Variants in ETNK1 observed in about 807,000 individuals in gnomAD.
ETNK1 encodes ethanolamine kinase 1.
Under a neutral mutation model 45.1 loss-of-function variants are expected in ETNK1, and 8 were observed. The ratio of observed to expected loss-of-function variants is 0.18; its 90% CI spans 0.10 to 0.32. The LOEUF is 0.32. Ranked by LOEUF, ETNK1 falls within the 10% of genes least tolerant of loss-of-function variation. ETNK1 has a pLI of 1.00. For synonymous variants in ETNK1, 152 were observed against 151.9 expected, an observed-to-expected ratio of 1.00 and a Z score of -0.01; for missense variants, 302 against 430.6, an observed-to-expected ratio of 0.70 and a Z score of 2.64.
intron 2 of ETNK1, chr12:22,656,665 C>G (rs1166045842): frequency 4.1e-6 from 4 of 985,124 alleles, no homozygotes; most frequent in Non-Finnish European, 4.8e-6. Context: ...TCTGACAGTT[C>G]CAGCACGTGT....
intron 4 of ETNK1, among the ~76,000 whole-genome samples, chr12:22,666,664 G>A (rs1347296501): frequency 6.6e-6 from 1 of 152,096 alleles, no homozygotes; most frequent in African/African-American, 2.4e-5. Flanking sequence ...GGCAATCACT[G>A]TTTATTTTCT....
chr12:22,684,213 C>T (rs1368731527), intron 6 of ETNK1, among the ~76,000 whole-genome samples: 1 of 152,036 alleles, frequency 6.6e-6, no homozygotes, highest in Admixed American at 6.6e-5. Flanking sequence ...GTAAACTTTG[C>T]TTTATAAAAA....
rs1457398721 is a variant in ETNK1 at position 22,667,909 on chromosome 12, T to C, written c.701-3363T>C. 3.3e-5 allele frequency among the ~76,000 whole-genome samples: 5 copies of C among 152,146 alleles called. 1 individual carries two copies. Among genetic ancestry groups the C allele is most frequent in the Admixed American group, 1.3e-4 (2 of 15,274 alleles). On this transcript the variant is annotated intron_variant, in intron 4 of 7. Coordinates refer to ENST00000266517, the MANE Select transcript of ETNK1 (RefSeq NM_018638.5). ...AAGATTTGAACAGTTTAACCAGTAG[T>C]GTCGGGATTTGATTACGCTGATAAA...
At chr12:22,679,657 C>T (rs1449468222) in intron 6 of ETNK1, among the ~76,000 whole-genome samples, 1 of 151,382 alleles carries the variant, frequency 6.6e-6, no homozygotes, top group Non-Finnish European at 1.5e-5. Flanking sequence ...TTTACATATG[C>T]GATCTGATAG....
intron 1 of ETNK1, among the ~76,000 whole-genome samples, chr12:22,627,319 T>C (rs1056257501): frequency 6.6e-6 from 1 of 152,164 alleles, no homozygotes; most frequent in Non-Finnish European, 1.5e-5. Context: ...TCTTGGTTTC[T>C]TGTAGCAACT....
intron 1 of ETNK1, among the ~76,000 whole-genome samples, chr12:22,632,530 G>A (rs1191397470): frequency 3.3e-5 from 5 of 150,910 alleles, no homozygotes; most frequent in Admixed American, 6.6e-5. Flanking sequence ...TTTTTTAAGA[G>A]ATGGGGTCTC....
At chr12:22,630,288 TGA>T (rs1191884484) in intron 1 of ETNK1, among the ~76,000 whole-genome samples, 1 of 152,196 alleles carries the variant, frequency 6.6e-6, no homozygotes, top group Non-Finnish European at 1.5e-5. Context: ...CCATCCCAAC[TGA>T]GAGAATTGTG....
chr12:22,671,674 T>TAA (rs1329660828), intron 5 of ETNK1, among the ~76,000 whole-genome samples: 2 of 151,728 alleles, frequency 1.3e-5, no homozygotes, highest in Non-Finnish European at 2.9e-5. Flanking sequence ...CCGTTTCTAC[T>TAA]AAAAATACAA....
intron 6 of ETNK1, among the ~76,000 whole-genome samples, chr12:22,676,503 TA>T (rs1361267336): frequency 1.4e-4 from 22 of 152,180 alleles, no homozygotes; most frequent in African/African-American, 4.8e-5. Context: ...GAATGATTTA[TA>T]ATCCTTTGGG....
At chr12:22,683,233 A>T (rs962651566) in intron 6 of ETNK1, among the ~76,000 whole-genome samples, 1 of 150,806 alleles carries the variant, frequency 6.6e-6, no homozygotes, top group African/African-American at 2.4e-5. Flanking sequence ...TTCTATCTCT[A>T]TATCAGGAAA....
At chr12:22,644,485 T>C (rs968222403) in intron 2 of ETNK1, 29 of 718,170 alleles carry the variant, frequency 4.0e-5, no homozygotes, top group Non-Finnish European at 5.2e-5. Context: ...TAATGTCATA[T>C]ATGCTTGATC....
chr12:22,664,279 G>A (rs1180472311), intron 4 of ETNK1, among the ~76,000 whole-genome samples: 1 of 151,738 alleles, frequency 6.6e-6, no homozygotes, highest in Non-Finnish European at 1.5e-5. Context: ...ATAACTAGTA[G>A]GTATGTTTGC....
rs1372923729 is a variant in ETNK1, at chr12:22,661,162, T to C, written c.657T>C (p.His219=). The C allele has an allele frequency of 1.2e-6, 2 of 1,612,580 alleles. No individual in the cohort carries two copies. Among genetic ancestry groups the C allele is most frequent in the Non-Finnish European group, 8.5e-7 (1 of 1,179,508 alleles). Residue 219 remains histidine (H), a synonymous_variant, in exon 4 of 8, where the codon CAT becomes CAC. Coordinates refer to ENST00000266517, the MANE Select transcript of ETNK1 (RefSeq NM_018638.5). ...SNLGSPVVLC[H]NDLLCKNIIY... ...TGGGCTCACCTGTTGTGCTTTGCCA[T>C]AATGACCTATTGTGTAAGAATATAA...
In ETNK1 at chr12:22,685,927, C is replaced by G. The variant is rs1314560665; in HGVS notation, c.*973C>G. 1.3e-5 allele frequency: 2 copies of G among 152,128 alleles called. No individual in the cohort carries two copies. The highest frequency in any genetic ancestry group is 4.8e-5 in the African/African-American group (2 of 41,378). 9.4% of individuals were successfully genotyped at this position (152,128 alleles called of 1,614,324 possible). A position where few individuals can be genotyped will look rare whatever the true frequency, so the allele number is the denominator to read the frequency against. On this transcript the variant is annotated 3_prime_UTR_variant, in exon 8 of 8. Transcript: ENST00000266517. ...ATTTTTTACCTATCCAGAGTCATTC[C>G]TTACATTTCAGTTTCATGTTTCATT...
chr12:22,626,432 A>G (rs914691755), intron 1 of ETNK1, among the ~76,000 whole-genome samples: 7 of 152,142 alleles, frequency 4.6e-5, no homozygotes, highest in Non-Finnish European at 8.8e-5. Context: ...CAAACAAAAA[A>G]AAACAGTAAT....
At position 22,643,750 on chromosome 12, in the gene ETNK1, A is replaced by G; in HGVS notation, c.157-13A>G. On this transcript the variant is annotated splice_polypyrimidine_tract_variant and intron_variant, in intron 1 of 7. Transcript: ENST00000266517. The stretch of plus-strand genomic sequence containing the variant: ...TTGCTTTTTTTCCCATTTTTAAAAA[A>G]AATTTTTGGCAGCTCTTCACAGATG... 1 of 1,567,706 alleles carries G rather than the reference A, an allele frequency of 6.4e-7. No individual in the cohort carries two copies. The highest frequency in any genetic ancestry group is 1.2e-5 in the South Asian group (1 of 85,256).
chr12:22,647,505 C>A (rs1953821960), intron 2 of ETNK1, among the ~76,000 whole-genome samples: 1 of 151,792 alleles, frequency 6.6e-6, no homozygotes, highest in Admixed American at 6.6e-5. Context: ...TAAGGTACCT[C>A]AACACAAAGG....
chr12:22,682,241 C>T (rs966728540), intron 6 of ETNK1: 3 of 467,964 alleles, frequency 6.4e-6, no homozygotes, highest in Non-Finnish European at 1.3e-5. Context: ...CTGTTAAGCT[C>T]ACAGAATCAC....
intron 1 of ETNK1, among the ~76,000 whole-genome samples, chr12:22,637,491 G>T (rs7970594): frequency 6.6e-6 from 1 of 152,188 alleles, no homozygotes; most frequent in Non-Finnish European, 1.5e-5. Context: ...AGTGTCATGT[G>T]TATGTGAAAT....
Sources: gnomAD v4.1 joint callset for allele counts (sites outside exome capture counted in the v4.1 genomes callset) on GRCh38, gnomAD v4.1.1 for gene constraint, MANE v1.5 for transcripts, NCBI Gene and HGNC (gene_info 2026-07-23, HGNC 2026-07-21) for gene names.